The following PSD3 variants were observed in gnomAD, a reference collection of about 807,000 sequenced individuals.
PSD3 encodes the protein pleckstrin and Sec7 domain containing 3, also known as PH and SEC7 domain-containing protein 3.
PSD3 carries 49 observed loss-of-function variants against 105.5 expected under a neutral mutation model. The observed-to-expected ratio is 0.46, with a 90% CI of 0.37 to 0.59. PSD3 has a LOEUF of 0.59. Among genes scored for constraint, PSD3 ranks in the 20% least tolerant of loss-of-function variants. The pLI, the probability that PSD3 is intolerant of heterozygous loss-of-function variation, is 0.00. For synonymous variants in PSD3, 557 were observed against 457.8 expected (o/e 1.22, Z -2.77); for missense variants, 1,561 against 1,263.8 (o/e 1.24, Z -3.57).
intron 12 of PSD3, among the ~76,000 whole-genome samples, chr8:18,580,180 C>T: frequency 6.6e-6 from 1 of 152,140 alleles, no homozygotes; most frequent in South Asian, 2.1e-4. Flanking sequence ...ACAGAACCAG[C>T]AGTTTCACAA....
intron 10 of PSD3, among the ~76,000 whole-genome samples, chr8:18,636,628 T>C (rs1359769280): frequency 6.6e-6 from 1 of 152,202 alleles, no homozygotes; most frequent in Admixed American, 6.5e-5. Flanking sequence ...ACTCCATTCA[T>C]GGTAAAGTGC....
chr8:19,027,151 A>G (rs1827586834), intron 1 of PSD3, among the ~76,000 whole-genome samples: 2 of 152,190 alleles, frequency 1.3e-5, no homozygotes, highest in African/African-American at 4.8e-5. Context: ...AAGGAAATCT[A>G]TCAGCTCTCT....
At chr8:18,735,820 T>C (rs1288884929) in intron 9 of PSD3, among the ~76,000 whole-genome samples, 2 of 152,110 alleles carry the variant, frequency 1.3e-5, no homozygotes, top group Non-Finnish European at 2.9e-5. Context: ...CACCAGAAAT[T>C]TTCTGTTTAA....
At chr8:18,931,422 C>T (rs965789212) in intron 2 of PSD3, among the ~76,000 whole-genome samples, 1 of 152,110 alleles carries the variant, frequency 6.6e-6, no homozygotes, top group Non-Finnish European at 1.5e-5. Context: ...CCAGCAAGCA[C>T]CTTAGTTATT....
At chr8:18,654,640 G>C (rs1281159040) in intron 10 of PSD3, among the ~76,000 whole-genome samples, 1 of 152,142 alleles carries the variant, frequency 6.6e-6, no homozygotes, top group Non-Finnish European at 1.5e-5. Context: ...CTCAAAGTAT[G>C]TACCCTGAAA....
chr8:18,879,372 G>T (rs149590279), intron 2 of PSD3, among the ~76,000 whole-genome samples: 1 of 152,140 alleles, frequency 6.6e-6, no homozygotes, highest in East Asian at 1.9e-4. Flanking sequence ...GTAGTTTCTC[G>T]TGGTCTGTGT....
intron 7 of PSD3, 148 bp downstream of exon 7, chr8:18,801,122 A>G: frequency 2.0e-6 from 1 of 494,058 alleles, no homozygotes; most frequent in Non-Finnish European, 3.6e-6. Flanking sequence ...TTAAATATTA[A>G]ATAGACTAGA....
At chr8:18,673,221 CA>C (rs1457290386) in intron 9 of PSD3, among the ~76,000 whole-genome samples, 1 of 151,952 alleles carries the variant, frequency 6.6e-6, no homozygotes, top group Non-Finnish European at 1.5e-5. Flanking sequence ...CACACACACC[CA>C]CACACACCCT....
upstream of PSD3, among the ~76,000 whole-genome samples, chr8:19,017,764 T>C (rs1827223626): frequency 6.6e-6 from 1 of 152,250 alleles, no homozygotes; most frequent in Admixed American, 6.5e-5. Flanking sequence ...CTAAATAATA[T>C]TCCATTGTGT....
intron 8 of PSD3, among the ~76,000 whole-genome samples, chr8:18,767,078 T>C (rs548740768): frequency 6.6e-6 from 1 of 152,306 alleles, no homozygotes; most frequent in East Asian, 1.9e-4. Context: ...ACAGCCTCTG[T>C]TCGCAAAACG....
chr8:19,036,860 C>A (rs1586653901), intron 1 of PSD3, among the ~76,000 whole-genome samples: 1 of 152,080 alleles, frequency 6.6e-6, no homozygotes, highest in Admixed American at 6.5e-5. Context: ...TCATCTAGGG[C>A]CAGAAGAGGC....
chr8:19,048,452 T>A (rs1040835330), intron 1 of PSD3, among the ~76,000 whole-genome samples: 1 of 152,148 alleles, frequency 6.6e-6, no homozygotes, highest in South Asian at 2.1e-4. Flanking sequence ...CAAAAATATA[T>A]GGATAAAATA....
At chr8:18,811,529 A>G (rs1425826981) in intron 4 of PSD3, among the ~76,000 whole-genome samples, 2 of 152,220 alleles carry the variant, frequency 1.3e-5, no homozygotes, top group Non-Finnish European at 2.9e-5. Flanking sequence ...GCTCTGGAAA[A>G]AAATAGAGCA....
At chr8:18,980,559 G>A (rs1417824234) in intron 1 of PSD3, among the ~76,000 whole-genome samples, 1 of 151,984 alleles carries the variant, frequency 6.6e-6, no homozygotes, top group African/African-American at 2.4e-5. Flanking sequence ...ATACATTAGG[G>A]TTTACATCTA....
chr8:18,827,490 C>T (rs571412571), intron 4 of PSD3, among the ~76,000 whole-genome samples: 14 of 151,936 alleles, frequency 9.2e-5, no homozygotes, highest in African/African-American at 2.4e-4. Flanking sequence ...TAAGTGGGTA[C>T]GAAAAATGGC....
At chr8:18,622,355 C>T (rs1474570201) in intron 11 of PSD3, among the ~76,000 whole-genome samples, 1 of 152,146 alleles carries the variant, frequency 6.6e-6, no homozygotes, top group Non-Finnish European at 1.5e-5. Context: ...TTCTCCGAGT[C>T]GTTAAGTGAC....
chr8:18,548,522 A>AT (rs1312732174), intron 15 of PSD3, among the ~76,000 whole-genome samples: 3 of 152,154 alleles, frequency 2.0e-5, no homozygotes, highest in Non-Finnish European at 4.4e-5. Flanking sequence ...TTCTATGGAC[A>AT]TATCTACTCT....
intron 1 of PSD3, among the ~76,000 whole-genome samples, chr8:19,070,507 C>G (rs1333796764): frequency 1.3e-5 from 2 of 152,016 alleles, no homozygotes; most frequent in Admixed American, 1.3e-4. Context: ...GAAACGCTAT[C>G]TCTACTAAAA....
intron 11 of PSD3, among the ~76,000 whole-genome samples, chr8:18,614,597 GTTAA>G (rs1805518523): frequency 1.3e-5 from 2 of 152,034 alleles, no homozygotes; most frequent in South Asian, 2.1e-4. Context: ...GTTTTCATGG[GTTAA>G]TTAAAGAATG....
Sources: gnomAD v4.1 joint callset for allele counts (sites outside exome capture counted in the v4.1 genomes callset) on GRCh38, gnomAD v4.1.1 for gene constraint, MANE v1.5 for transcripts, NCBI Gene and HGNC (gene_info 2026-07-23, HGNC 2026-07-21) for gene names.